Variants in ASB3 observed in about 807,000 individuals in gnomAD.
ASB3 encodes ankyrin repeat and SOCS box containing 3, also known as ankyrin repeat and SOCS box protein 3.
A neutral mutation model predicts 54.5 loss-of-function variants in ASB3; 41 were observed. That is an observed-to-expected ratio of 0.75 (90% CI 0.59 to 0.98). The LOEUF is 0.98. ASB3 is among the 50% of genes least tolerant of loss of function. The pLI is 0.00. For synonymous variants in ASB3, 266 were observed against 221.2 expected (o/e 1.20, Z -1.80); for missense variants, 733 against 620.0 (o/e 1.18, Z -1.94).
chr2:53,772,726 G>A (rs1413681099), intron 1 of ASB3, among the ~76,000 whole-genome samples: 1 of 152,178 alleles, frequency 6.6e-6, no homozygotes, highest in African/African-American at 2.4e-5. Context: ...AAGTTCAGGA[G>A]TACATGTGCA....
At chr2:53,780,261 T>C (rs565704316) in intron 1 of ASB3, among the ~76,000 whole-genome samples, 200 of 152,122 alleles carry the variant, frequency 1.3e-3, no homozygotes, top group Non-Finnish European at 2.2e-3. Context: ...AAATTTCACT[T>C]CCCACTGACG....
chr2:53,673,876 A>G (rs1667948006), intron 9 of ASB3, among the ~76,000 whole-genome samples: 1 of 152,228 alleles, frequency 6.6e-6, no homozygotes, highest in Admixed American at 6.5e-5. Context: ...CTAATGAACA[A>G]TTAGAGGTAA....
intron 8 of ASB3, among the ~76,000 whole-genome samples, chr2:53,698,511 A>G (rs1384201529): frequency 6.6e-6 from 1 of 152,152 alleles, no homozygotes; most frequent in Non-Finnish European, 1.5e-5. Flanking sequence ...GGCCACAAGT[A>G]GCCATGCAGC....
intron 9 of ASB3, among the ~76,000 whole-genome samples, chr2:53,677,745 C>T (rs370505836): frequency 6.6e-6 from 1 of 152,014 alleles, no homozygotes; most frequent in Non-Finnish European, 1.5e-5. Context: ...CACTGGGCAT[C>T]CTAGGACTTA....
rs771864728 is a variant in ASB3 at position 53,750,907 on chromosome 2, A to G, written c.231T>C (p.Phe77=). The change falls in exon 3 of 10, where the codon TTT becomes TTC. Residue 77 remains phenylalanine (F), a synonymous_variant. Coordinates refer to ENST00000263634, the MANE Select transcript of ASB3 (RefSeq NM_016115.5). The part of the protein sequence containing the change: ...SSENYIKMKT[F]EGFCALHLAA... ...CGAGATGCAAAGCACAGAAACCTTC[A>G]AAGGTCTTCATCTTAATGTAGTTTT... 7.5e-6 allele frequency: 12 copies of G among 1,593,798 alleles called. No individual in the cohort carries two copies. The highest frequency in any genetic ancestry group is 3.3e-4 in the Middle Eastern group (2 of 5,992).
At chr2:53,758,320 G>T (rs528655934) in intron 2 of ASB3, among the ~76,000 whole-genome samples, 1 of 152,186 alleles carries the variant, frequency 6.6e-6, no homozygotes, top group Non-Finnish European at 1.5e-5. Flanking sequence ...TACCGGCAAG[G>T]ACTTAATCCG....
intron 1 of ASB3, among the ~76,000 whole-genome samples, chr2:53,780,482 T>A (rs1358053678): frequency 2.6e-5 from 4 of 152,022 alleles, no homozygotes; most frequent in Non-Finnish European, 5.9e-5. Context: ...AGATGTGATA[T>A]AAAATACAAG....
At chr2:53,758,072 A>T (rs567922752) in intron 2 of ASB3, among the ~76,000 whole-genome samples, 1 of 152,326 alleles carries the variant, frequency 6.6e-6, no homozygotes, top group Admixed American at 6.5e-5. Flanking sequence ...TAAAGAAAAA[A>T]CAGTGCACCC....
At chr2:53,745,940 T>G (rs1177766226) in intron 3 of ASB3, among the ~76,000 whole-genome samples, 1 of 152,228 alleles carries the variant, frequency 6.6e-6, no homozygotes, top group East Asian at 1.9e-4. Flanking sequence ...TATTTTGGAT[T>G]TTGTTTTAAT....
intron 2 of ASB3, among the ~76,000 whole-genome samples, chr2:53,764,562 C>T (rs983549822): frequency 2.0e-5 from 3 of 152,204 alleles, no homozygotes; most frequent in African/African-American, 7.2e-5. Context: ...TTTCTTCCTA[C>T]CCCCTCTATA....
intron 9 of ASB3, among the ~76,000 whole-genome samples, chr2:53,678,364 T>G (rs1265218726): frequency 2.0e-5 from 3 of 152,206 alleles, no homozygotes; most frequent in African/African-American, 7.2e-5. Context: ...TCACATAACA[T>G]GCCTGGTAAA....
chr2:53,730,180 G>C (rs1671222090), intron 3 of ASB3, among the ~76,000 whole-genome samples: 1 of 152,156 alleles, frequency 6.6e-6, no homozygotes, highest in African/African-American at 2.4e-5. Flanking sequence ...TGCTATGAAG[G>C]TGGCACTAAT....
chr2:53,746,106 G>A (rs908330940), intron 3 of ASB3, among the ~76,000 whole-genome samples: 22 of 152,036 alleles, frequency 1.4e-4, no homozygotes, highest in African/African-American at 5.1e-4. Context: ...GGGCAACATA[G>A]CAAGACCCCA....
chr2:53,673,955 G>C (rs1667952521), intron 9 of ASB3, among the ~76,000 whole-genome samples: 2 of 152,036 alleles, frequency 1.3e-5, no homozygotes, highest in African/African-American at 4.8e-5. Flanking sequence ...TAATATGCCT[G>C]TCAGTGCCAT....
intron 2 of ASB3, among the ~76,000 whole-genome samples, chr2:53,765,079 C>T (rs1252000186): frequency 6.6e-6 from 1 of 152,122 alleles, no homozygotes; most frequent in African/African-American, 2.4e-5. Flanking sequence ...ATAAACATGA[C>T]CAGTAACTAC....
At chr2:53,748,714 A>C (rs536896212) in intron 3 of ASB3, among the ~76,000 whole-genome samples, 1 of 152,060 alleles carries the variant, frequency 6.6e-6, no homozygotes, top group Non-Finnish European at 1.5e-5. Flanking sequence ...AAAAGTTAAA[A>C]TCATAAAAGA....
At chr2:53,776,752 G>C (rs563177783) in intron 1 of ASB3, among the ~76,000 whole-genome samples, 51 of 152,248 alleles carry the variant, frequency 3.3e-4, no homozygotes, top group African/African-American at 1.1e-3. Context: ...CCAGGAGTTC[G>C]AGGCTGCAGT....
chr2:53,722,218 T>G (rs1447868958), intron 5 of ASB3, among the ~76,000 whole-genome samples: 1 of 149,562 alleles, frequency 6.7e-6, no homozygotes, highest in Non-Finnish European at 1.5e-5. Context: ...CTGGACCACA[T>G]GAATTCACAG....
At chr2:53,746,668 C>T (rs1336921681) in intron 3 of ASB3, among the ~76,000 whole-genome samples, 10 of 151,820 alleles carry the variant, frequency 6.6e-5, no homozygotes, top group South Asian at 2.1e-4. Flanking sequence ...TTAGTAGAAA[C>T]GAGGTTTCAC....
Sources: gnomAD v4.1 joint callset for allele counts (sites outside exome capture counted in the v4.1 genomes callset) on GRCh38, gnomAD v4.1.1 for gene constraint, MANE v1.5 for transcripts, NCBI Gene and HGNC (gene_info 2026-07-23, HGNC 2026-07-21) for gene names.